Variants in PLPPR4 observed in about 807,000 individuals in gnomAD.
The protein encoded by PLPPR4 is phospholipid phosphatase-related protein type 4.
In PLPPR4, 24 loss-of-function variants were observed where a neutral mutation model predicts 56.6. The observed-to-expected ratio is 0.42, with a 90% CI of 0.31 to 0.60. The LOEUF is 0.60. Ranked by LOEUF, PLPPR4 falls within the 20% of genes least tolerant of loss-of-function variation. The pLI, the probability that PLPPR4 is intolerant of heterozygous loss-of-function variation, is 0.13. For synonymous variants in PLPPR4, 326 were observed against 328.1 expected (o/e 0.99, Z 0.07); for missense variants, 654 against 885.8 (o/e 0.74, Z 3.32).
chr1:99,301,879 A>C lies in PLPPR4; in HGVS notation c.804A>C (p.Gly268=). The C allele has an allele frequency of 6.2e-7, 1 of 1,610,946 alleles. No individual in the cohort carries two copies. The highest frequency in any genetic ancestry group is 8.5e-7 in the Non-Finnish European group (1 of 1,177,908). ...TCTATTGTGGCTTTTTAATAGGAGG[A>C]GGAATTGCACTGTACTTGGTAAATA... ...VDVYCGFLIG[G]GIALYLGLYA... Residue 268 remains glycine, a synonymous_variant, in exon 6 of 7, where the codon GGA becomes GGC. Transcript: ENST00000370185.
intron 1 of PLPPR4, among the ~76,000 whole-genome samples, chr1:99,270,373 C>T (rs755997045): frequency 1.3e-5 from 2 of 152,122 alleles, no homozygotes; most frequent in Non-Finnish European, 2.9e-5. Context: ...GCAGTAGATA[C>T]GTTGCAGGAT....
intron 3 of PLPPR4, among the ~76,000 whole-genome samples, chr1:99,298,010 A>T (rs1169238684): frequency 1.3e-5 from 2 of 152,180 alleles, no homozygotes; most frequent in African/African-American, 4.8e-5. Flanking sequence ...AGGAATTAGA[A>T]TGTAGAAATA....
chr1:99,296,836 T>C lies in PLPPR4; in HGVS notation c.363T>C (p.Asn121=). The change falls in exon 3 of 7, where the codon AAT becomes AAC. Residue 121 remains asparagine, a synonymous_variant. Coordinates refer to ENST00000370185, the MANE Select transcript of PLPPR4 (RefSeq NM_014839.5). ...PNINAGGCNF[N]SFLRRAVRFV... is the part of the protein sequence containing the mutation. ...TTAATGCTGGAGGCTGCAACTTCAATTCCTTCCTCAGACGAGCTGTCAGAT... is the reference window on the plus strand; with the variant it reads ...TTAATGCTGGAGGCTGCAACTTCAACTCCTTCCTCAGACGAGCTGTCAGAT... The C allele has an allele frequency of 6.3e-7, 1 of 1,591,270 alleles. No homozygotes were observed. The highest frequency in any genetic ancestry group is 8.6e-7 in the Non-Finnish European group (1 of 1,164,970).
chr1:99,269,995 TTTTGTG>T (rs1401024261), intron 1 of PLPPR4, among the ~76,000 whole-genome samples: 15 of 125,716 alleles, frequency 1.2e-4, no homozygotes, highest in African/African-American at 4.4e-4. Context: ...TTTTCATTCC[TTTTGTG>T]TGTGTGTGTG....
intron 1 of PLPPR4, among the ~76,000 whole-genome samples, chr1:99,265,155 C>T (rs1023368785): frequency 1.5e-5 from 2 of 131,346 alleles, no homozygotes; most frequent in African/African-American, 5.7e-5. Context: ...CCCCCCCCCC[C>T]CAAATCCTTC....
chr1:99,268,440 G>C (rs1570904199), intron 1 of PLPPR4, among the ~76,000 whole-genome samples: 2 of 152,340 alleles, frequency 1.3e-5, no homozygotes, highest in East Asian at 3.9e-4. Flanking sequence ...TGGGCATTAG[G>C]CTGAGGTGTT....
At chr1:99,298,026 T>C (rs1156888009) in intron 3 of PLPPR4, among the ~76,000 whole-genome samples, 2 of 152,146 alleles carry the variant, frequency 1.3e-5, no homozygotes, top group Non-Finnish European at 2.9e-5. Context: ...AAATAAAGTT[T>C]CTGTGTCATG....
chr1:99,275,872 A>G (rs1278191887), intron 1 of PLPPR4, among the ~76,000 whole-genome samples: 1 of 152,076 alleles, frequency 6.6e-6, no homozygotes, highest in Non-Finnish European at 1.5e-5. Context: ...CACCTTCCTA[A>G]GATTCCAGAG....
At chr1:99,272,666 T>C (rs148893164) in intron 1 of PLPPR4, among the ~76,000 whole-genome samples, 1 of 152,292 alleles carries the variant, frequency 6.6e-6, no homozygotes, top group East Asian at 1.9e-4. Flanking sequence ...ATTGCCTAAG[T>C]GCCCACCTGT....
At chr1:99,282,507 T>C (rs183118409) in intron 1 of PLPPR4, among the ~76,000 whole-genome samples, 286 of 152,300 alleles carry the variant, frequency 1.9e-3, no homozygotes, top group African/African-American at 6.5e-3. Context: ...TAAATATTTG[T>C]TGAGTTTTGA....
rs756325174 is a variant in PLPPR4 at position 99,308,772 on chromosome 1, A to G, written c.*1762A>G. ...CTGGCAATAAAACATGGACTCAACC[A>G]TATCCCTTCTGGCAATTTCCTTCTC... is the stretch of plus-strand genomic sequence containing the variant. On this transcript the variant is annotated 3_prime_UTR_variant, in exon 7 of 7. Coordinates refer to ENST00000370185, the MANE Select transcript of PLPPR4 (RefSeq NM_014839.5). The G allele has an allele frequency of 6.6e-6, 1 of 152,640 alleles. No homozygotes were observed. The highest frequency in any genetic ancestry group is 1.9e-4 in the East Asian group (1 of 5,204). The allele number at this position is 152,640 out of a possible 1,614,324, so 9.5% of individuals were successfully genotyped here. A position where few individuals can be genotyped will look rare whatever the true frequency, so the allele number is the denominator to read the frequency against.
Position 99,301,864 on chromosome 1 carries a change from C to T in PLPPR4, c.789C>T (p.Gly263=). The T allele has an allele frequency of 6.2e-7, 1 of 1,611,386 alleles. No homozygotes were observed. Among genetic ancestry groups the T allele is most frequent in the Non-Finnish European group, 8.5e-7 (1 of 1,178,296 alleles). The part of the protein sequence containing the change: ...YKNHPVDVYC[G]FLIGGGIALY... ...ACCACCCAGTTGATGTCTATTGTGG[C>T]TTTTTAATAGGAGGAGGAATTGCAC... Residue 263 remains glycine (G), a synonymous_variant, in exon 6 of 7, where the codon GGC becomes GGT. Transcript: ENST00000370185.
At chr1:99,274,144 C>T (rs964147394) in intron 1 of PLPPR4, among the ~76,000 whole-genome samples, 2 of 151,934 alleles carry the variant, frequency 1.3e-5, no homozygotes, top group South Asian at 4.2e-4. Flanking sequence ...TATGGTAAAA[C>T]AAACTATTAG....
intron 1 of PLPPR4, among the ~76,000 whole-genome samples, chr1:99,270,174 A>G (rs1264226418): frequency 6.6e-6 from 1 of 151,848 alleles, no homozygotes; most frequent in East Asian, 1.9e-4. Context: ...ACAGGCATGC[A>G]CCACCACACC....
chr1:99,306,379 G>A lies in PLPPR4; in HGVS notation c.1517G>A (p.Arg506Gln). 1.9e-6 allele frequency: 3 copies of A among 1,614,156 alleles called. No homozygotes were observed. Among genetic ancestry groups the A allele is most frequent in the Non-Finnish European group, 1.7e-6 (2 of 1,180,020 alleles). The change falls in exon 7 of 7, where the codon CGG (arginine) becomes CAG (glutamine). Residue 506 changes from arginine (R) to glutamine (Q), a missense_variant. Physicochemically the swap from Arg to Gln is conservative, Grantham distance 43. Transcript: ENST00000370185. The surrounding 1 kb of genome is among the most constrained non-coding windows in gnomAD (Gnocchi z 4.0). ...ISTSPKSSSA[R>Q]AKWLKAAEKT... ...ACCTCCCCCAAAAGCAGCTCTGCTC[G>A]GGCCAAGTGGTTAAAAGCTGCTGAA...
chr1:99,273,808 A>G (rs1659115787), intron 1 of PLPPR4, among the ~76,000 whole-genome samples: 1 of 152,162 alleles, frequency 6.6e-6, no homozygotes, highest in African/African-American at 2.4e-5. Context: ...TCATATGAAC[A>G]TAAATTTTTC....
At position 99,264,548 on chromosome 1, in the gene PLPPR4, G is replaced by T; in HGVS notation, c.-46G>T. The T allele has an allele frequency of 1.3e-6, 2 of 1,551,256 alleles. No homozygotes were observed. The highest frequency in any genetic ancestry group is 1.7e-6 in the Non-Finnish European group (2 of 1,147,342). Reference sequence around the variant, plus strand: ...AGGCAGCTCGCCTCAGCTGCGCTGTGCACACCTCGCCCGGGGGAGGACGCA... The same window carrying T: ...AGGCAGCTCGCCTCAGCTGCGCTGTTCACACCTCGCCCGGGGGAGGACGCA... On this transcript the variant is annotated 5_prime_UTR_variant, in exon 1 of 7. Coordinates refer to ENST00000370185, the MANE Select transcript of PLPPR4 (RefSeq NM_014839.5).
intron 4 of PLPPR4, among the ~76,000 whole-genome samples, 171 bp from the exon 5 acceptor site, chr1:99,300,738 C>A (rs1044340468): frequency 1.3e-5 from 2 of 152,010 alleles, no homozygotes; most frequent in South Asian, 2.1e-4. Flanking sequence ...TGATTAGCAG[C>A]ATTTATTTTA....
chr1:99,287,260 A>G (rs1296862542), intron 1 of PLPPR4, among the ~76,000 whole-genome samples: 1 of 152,056 alleles, frequency 6.6e-6, no homozygotes, highest in East Asian at 1.9e-4. Flanking sequence ...GTGTATATAT[A>G]TATACCACAT....
Sources: gnomAD v4.1 joint callset for allele counts (sites outside exome capture counted in the v4.1 genomes callset) on GRCh38, gnomAD v4.1.1 for gene constraint, Gnocchi (gnomAD v3.1) non-coding constraint, MANE v1.5 for transcripts, NCBI Gene and HGNC (gene_info 2026-07-23, HGNC 2026-07-21) for gene names.